RIPOR1: variants seen among roughly 807,000 people sequenced by gnomAD.
RIPOR1 encodes the protein rho family-interacting cell polarization regulator 1.
Under a neutral mutation model 116.5 loss-of-function variants are expected in RIPOR1, and 58 were observed. The observed-to-expected ratio is 0.50, with a 90% CI of 0.40 to 0.62. The LOEUF is 0.62. Among genes scored for constraint, RIPOR1 ranks in the 20% least tolerant of loss-of-function variants. The pLI is 0.00. For missense variants in RIPOR1, 1,372 were observed against 1,586.2 expected, an observed-to-expected ratio of 0.86 and a Z score of 2.29; for synonymous variants, 605 against 650.0, an observed-to-expected ratio of 0.93 and a Z score of 1.05.
chr16:67,527,788 T>C (rs2050557842), upstream of RIPOR1, among the ~76,000 whole-genome samples: 1 of 143,104 alleles, frequency 7.0e-6, no homozygotes, highest in Non-Finnish European at 1.5e-5. Flanking sequence ...GGCAGGAGAA[T>C]GGCATGAACC....
At position 67,538,714 on chromosome 16, in the gene RIPOR1, C is replaced by G; in HGVS notation, c.147C>G (p.Pro49=). The stretch of plus-strand genomic sequence containing the variant: ...GCCCGCCGGGGCCCCCACGGAAGCC[C>G]CCCGCGCTCTCCCGAGTGTCCAGGA... The part of the protein sequence containing the change: ...VFSPPGPPRK[P]PALSRVSRMF... The change falls in exon 3 of 22, where the codon CCC becomes CCG. Residue 49 remains proline (P), a synonymous_variant. Transcript: ENST00000042381. 1 of 1,613,426 alleles carries G rather than the reference C, an allele frequency of 6.2e-7. No homozygotes were observed. The highest frequency in any genetic ancestry group is 1.3e-5 in the African/African-American group (1 of 75,050).
In RIPOR1 at chr16:67,530,735, G is replaced by A. The variant is rs536152426; in HGVS notation, c.-24+1821G>A. 2.6e-5 allele frequency among the ~76,000 whole-genome samples: 4 copies of A among 152,282 alleles called. No homozygotes were observed. The highest frequency in any genetic ancestry group is 9.6e-5 in the African/African-American group (4 of 41,562). On this transcript the variant is annotated intron_variant, in intron 1 of 21. Coordinates refer to ENST00000042381, the MANE Select transcript of RIPOR1 (RefSeq NM_024519.4). The surrounding 1 kb of genome is among the most constrained non-coding windows in gnomAD (Gnocchi z 4.5). Reference sequence around the variant, plus strand: ...ACAGGTCAGGGCTCCTCCACTCACGGCCATCCTGACCTGGCTGTGCTGCAA... The same window carrying A: ...ACAGGTCAGGGCTCCTCCACTCACGACCATCCTGACCTGGCTGTGCTGCAA...
In RIPOR1 at chr16:67,542,044, G is replaced by A. The variant is rs2051002853; in HGVS notation, c.1258G>A (p.Glu420Lys). ...CATCCAAGTTGCCTTCCGCAGGCCTGAGACCCCCAGCTCTGGGCCCTTGGA... is the reference window on the plus strand; with the variant it reads ...CATCCAAGTTGCCTTCCGCAGGCCTAAGACCCCCAGCTCTGGGCCCTTGGA... ...LPIQVAFRRP[E>K]TPSSGPLDEE... The change falls in exon 13 of 22, where the codon GAG (glutamate) becomes AAG (lysine). Residue 420 changes from glutamate to lysine, a missense_variant. Physicochemically the swap from Glu to Lys is moderately conservative, Grantham distance 56. This residue lies in a region of RIPOR1 where 1,005 missense variants were observed against 1,144.7 expected (regional missense o/e 0.88). Coordinates refer to ENST00000042381, the MANE Select transcript of RIPOR1 (RefSeq NM_024519.4). The surrounding 1 kb of genome is among the most constrained non-coding windows in gnomAD (Gnocchi z 4.6). 7 of 1,607,138 alleles carry A rather than the reference G, an allele frequency of 4.4e-6. No homozygotes were observed. Among genetic ancestry groups the A allele is most frequent in the Non-Finnish European group, 6.0e-6 (7 of 1,175,010 alleles).
chr16:67,539,183 A>G (rs1237162600), intron 4 of RIPOR1, 115 bp downstream of exon 4: 2 of 843,158 alleles, frequency 2.4e-6, no homozygotes, highest in East Asian at 5.5e-5. Context: ...AGGTGTGAGT[A>G]GAAAAGGGGA....
At chr16:67,522,025 T>G (rs1407146249) in intron 1 of RIPOR1, among the ~76,000 whole-genome samples, 7 of 151,558 alleles carry the variant, frequency 4.6e-5, no homozygotes, top group South Asian at 2.1e-4. Flanking sequence ...CACCATGTTT[T>G]TTGTTGTTGT....
chr16:67,545,007 G>A lies in RIPOR1; in HGVS notation c.2921G>A (p.Cys974Tyr). Residue 974 changes from cysteine (C) to tyrosine (Y), a missense_variant, in exon 17 of 22, where the codon TGC becomes TAC. Transcript: ENST00000042381. This position sits in a 1 kb window ranked among gnomAD's most constrained non-coding sequence, Gnocchi z 4.8. ...RPGFLTFWDQ[C>Y]TERLSCFLCP... ...GGCTTCCTGACCTTCTGGGACCAGT[G>A]CACAGAGAGACTCAGCTGCTTCCTC... The A allele has an allele frequency of 6.2e-7, 1 of 1,613,540 alleles. No individual in the cohort carries two copies. The highest frequency in any genetic ancestry group is 8.5e-7 in the Non-Finnish European group (1 of 1,180,024).
chr16:67,543,174 C>T lies in RIPOR1; in HGVS notation c.2388C>T (p.Ala796=). 1 of 1,541,782 alleles carries T rather than the reference C, an allele frequency of 6.5e-7. No homozygotes were observed. The highest frequency in any genetic ancestry group is 8.7e-7 in the Non-Finnish European group (1 of 1,144,212). ...GDRSLEEALG[A]LMAALDDYRG... ...GGAGCCTGGAGGAGGCACTGGGGGCCCTAATGGCTGCCCTGGATGACTACC... is the reference window on the plus strand; with the variant it reads ...GGAGCCTGGAGGAGGCACTGGGGGCTCTAATGGCTGCCCTGGATGACTACC... The change falls in exon 13 of 22, where the codon GCC becomes GCT. Residue 796 remains alanine (A), a synonymous_variant. Coordinates refer to ENST00000042381, the MANE Select transcript of RIPOR1 (RefSeq NM_024519.4). This position sits in a 1 kb window ranked among gnomAD's most constrained non-coding sequence, Gnocchi z 4.7.
In RIPOR1 at chr16:67,545,349, T is replaced by C. The variant is rs762726069; in HGVS notation, c.3032-27T>C. The C allele has an allele frequency of 6.2e-7, 1 of 1,606,084 alleles. No individual in the cohort carries two copies. The highest frequency in any genetic ancestry group is 1.1e-5 in the South Asian group (1 of 90,738). ...CTAAAAGCTGTGTTCACCCAAACTC[T>C]GAGGCCCATGCTACTGCCTCCTGCA... On this transcript the variant is annotated intron_variant, in intron 17 of 21. Transcript: ENST00000042381. The surrounding 1 kb of genome is among the most constrained non-coding windows in gnomAD (Gnocchi z 4.8).
rs1196587771 is a variant in RIPOR1 at position 67,529,605 on chromosome 16, C to T, written c.-24+691C>T. On this transcript the variant is annotated intron_variant, in intron 1 of 21. Coordinates refer to ENST00000042381, the MANE Select transcript of RIPOR1 (RefSeq NM_024519.4). This position sits in a 1 kb window ranked among gnomAD's most constrained non-coding sequence, Gnocchi z 4.1. ...ACCAGGGCTAGAGGTCGGATTCAGT[C>T]CAGATTCAGCACCCTTTGTCCTCCT... The T allele has an allele frequency of 1.5e-5, 10 of 652,760 alleles. No individual in the cohort carries two copies. The highest frequency in any genetic ancestry group is 2.6e-5 in the Non-Finnish European group (10 of 385,650). The allele number at this position is 652,760 out of a possible 1,614,324, so 40.4% of individuals were successfully genotyped here.
intron 3 of RIPOR1, 22 bp downstream of exon 3, chr16:67,538,846 A>C (rs2050886130): frequency 6.2e-7 from 1 of 1,611,436 alleles, no homozygotes; most frequent in African/African-American, 1.3e-5. Context: ...CTCTGTTCCC[A>C]GCCCTGTCCC....
At chr16:67,538,109 G>A (rs1310174339) in intron 1 of RIPOR1, 2 of 296,590 alleles carry the variant, frequency 6.7e-6, no homozygotes, top group Non-Finnish European at 1.2e-5. Context: ...CTTCGCGCGC[G>A]CCGCCCCTTT....
In RIPOR1 at chr16:67,541,702, G is replaced by A. The variant is rs1160519336; in HGVS notation, c.1000G>A (p.Ala334Thr). Residue 334 changes from alanine (A) to threonine (T), a missense_variant, in exon 12 of 22, where the codon GCC becomes ACC. By Grantham distance (58) the Ala-to-Thr change is moderately conservative. Around this residue, in one of 3 missense-constraint regions of RIPOR1, gnomAD observed 1,005 missense variants for 1,144.7 expected, o/e 0.88. Coordinates refer to ENST00000042381, the MANE Select transcript of RIPOR1 (RefSeq NM_024519.4). The surrounding 1 kb of genome is among the most constrained non-coding windows in gnomAD (Gnocchi z 4.6). ...CTCAGCTGCTTCTTCTGTCAACAAGGCCTCCACAGTCACCAAGCGCTTCTC... is the reference window on the plus strand; with the variant it reads ...CTCAGCTGCTTCTTCTGTCAACAAGACCTCCACAGTCACCAAGCGCTTCTC... Reference protein sequence around the residue: ...QPSAASSVNKASTVTKRFSTY... With the variant: ...QPSAASSVNKTSTVTKRFSTY... The A allele has an allele frequency of 2.5e-6, 4 of 1,613,888 alleles. No homozygotes were observed. The highest frequency in any genetic ancestry group is 3.4e-6 in the Non-Finnish European group (4 of 1,179,952).
Position 67,529,991 on chromosome 16 carries a change from A to T in RIPOR1, c.-24+1077A>T. ...GAATGATAATTGGGGGCTGAGGTAC[A>T]AAATACTCCAGCGGGACAAGGAGGA... is the stretch of plus-strand genomic sequence containing the variant. On this transcript the variant is annotated intron_variant, in intron 1 of 21. Transcript: ENST00000042381. This position sits in a 1 kb window ranked among gnomAD's most constrained non-coding sequence, Gnocchi z 4.1. The T allele has an allele frequency of 1.4e-6, 1 of 701,922 alleles. No homozygotes were observed. Among genetic ancestry groups the T allele is most frequent in the Non-Finnish European group, 2.5e-6 (1 of 393,078 alleles). 43.5% of individuals were successfully genotyped at this position (701,922 alleles called of 1,614,324 possible). A position where few individuals can be genotyped will look rare whatever the true frequency, so the allele number is the denominator to read the frequency against.
At chr16:67,538,144 G>C in intron 1 of RIPOR1, 1 of 362,882 alleles carries the variant, frequency 2.8e-6, no homozygotes, top group East Asian at 4.2e-5. Flanking sequence ...GCCGGAGGAG[G>C]GTCCCCGCGC....
At chr16:67,538,308 C>T (rs866431554) in intron 1 of RIPOR1, 116 bp from the exon 2 acceptor site, 3 of 1,386,662 alleles carry the variant, frequency 2.2e-6, no homozygotes, top group East Asian at 2.6e-5. Context: ...GGCCGGAGCC[C>T]GCTGGGGCAG....
At chr16:67,525,438 C>T (rs2050531661), upstream of RIPOR1, among the ~76,000 whole-genome samples, 1 of 151,838 alleles carries the variant, frequency 6.6e-6, no homozygotes, top group Non-Finnish European at 1.5e-5. Flanking sequence ...CCAGGGCAAG[C>T]TTCTATTCTA....
upstream of RIPOR1, among the ~76,000 whole-genome samples, chr16:67,525,706 G>A (rs2050534508): frequency 3.9e-5 from 6 of 152,064 alleles, no homozygotes; most frequent in South Asian, 1.2e-3. Context: ...TCTCCCAGTG[G>A]TTAGAAGTGC....
At chr16:67,534,205 A>G (rs116166307) in intron 1 of RIPOR1, among the ~76,000 whole-genome samples, 3,701 of 151,130 alleles carry the variant, frequency 0.024, 159 homozygotes, top group African/African-American at 0.086. Flanking sequence ...ACCTCAGCTC[A>G]CTGCCTCCTG....
chr16:67,532,554 G>A (rs554077423), intron 1 of RIPOR1, among the ~76,000 whole-genome samples: 1 of 152,220 alleles, frequency 6.6e-6, no homozygotes, highest in Admixed American at 6.5e-5. Flanking sequence ...TCCTATAGAG[G>A]GACATCCTCA....
Sources: gnomAD v4.1 joint callset for allele counts (sites outside exome capture counted in the v4.1 genomes callset) on GRCh38, gnomAD v4.1.1 for gene constraint, gnomAD v4.1.1 regional missense constraint, Gnocchi (gnomAD v3.1) non-coding constraint, MANE v1.5 for transcripts, NCBI Gene and HGNC (gene_info 2026-07-23, HGNC 2026-07-21) for gene names.